DPP3: variants seen among roughly 807,000 people sequenced by gnomAD.
The protein encoded by DPP3 is DPP III.
In DPP3, 64 loss-of-function variants were observed where a neutral mutation model predicts 89.8. The observed-to-expected ratio is 0.71, with a 90% CI of 0.58 to 0.88. The LOEUF (loss-of-function observed/expected upper bound fraction) is 0.88. DPP3 is among the 40% of genes least tolerant of loss of function. The pLI is 0.00. For missense variants in DPP3, 835 were observed against 972.5 expected, an observed-to-expected ratio of 0.86 and a Z score of 1.88; for synonymous variants, 377 against 404.3, an observed-to-expected ratio of 0.93 and a Z score of 0.81.
intron 1 of DPP3, 73 bp downstream of exon 1, chr11:66,480,538 C>A: frequency 7.0e-7 from 1 of 1,427,754 alleles, no homozygotes; most frequent in Non-Finnish European, 9.1e-7. Context: ...CCATACTGAG[C>A]GCAAAATCGT....
chr11:66,493,726 C>A, intron 12 of DPP3, 93 bp downstream of exon 12: 3 of 1,330,962 alleles, frequency 2.3e-6, no homozygotes, highest in South Asian at 1.3e-5. Flanking sequence ...CCAGCCTCTG[C>A]CCTCAGGAGC....
intron 6 of DPP3, among the ~76,000 whole-genome samples, chr11:66,488,709 G>A (rs1020872300): frequency 9.9e-5 from 15 of 152,118 alleles, no homozygotes; most frequent in Admixed American, 5.2e-4. Flanking sequence ...GAAGTGTCCA[G>A]GCCTTTATGA....
chr11:66,485,096 T>C, intron 2 of DPP3, 77 bp from the exon 3 acceptor site: 1 of 1,379,186 alleles, frequency 7.3e-7, no homozygotes, highest in Non-Finnish European at 1.0e-6. Flanking sequence ...GCTGGGGCAT[T>C]CGCATCTCAG....
chr11:66,496,814 C>G (rs970152731), intron 15 of DPP3, among the ~76,000 whole-genome samples: 2 of 152,142 alleles, frequency 1.3e-5, no homozygotes, highest in African/African-American at 4.8e-5. Flanking sequence ...CTGGCTCTTC[C>G]GTTATTAGCT....
chr11:66,492,666 G>A (rs1855422006), intron 9 of DPP3, 50 bp from the exon 10 acceptor site: 1 of 1,528,070 alleles, frequency 6.5e-7, no homozygotes, highest in African/African-American at 1.4e-5. Context: ...GGGTGAAGTG[G>A]GAGCCCTCCT....
At chr11:66,488,696 A>T (rs1855300339) in intron 6 of DPP3, among the ~76,000 whole-genome samples, 1 of 151,928 alleles carries the variant, frequency 6.6e-6, no homozygotes, top group Non-Finnish European at 1.5e-5. Flanking sequence ...AATAGTATGG[A>T]CAGAAGTGTC....
chr11:66,498,563 C>T (rs1317300290), intron 16 of DPP3, among the ~76,000 whole-genome samples: 1 of 152,122 alleles, frequency 6.6e-6, no homozygotes. Context: ...CATTTTTGGA[C>T]AAACAAAAAC....
Position 66,482,233 on chromosome 11 carries a change from C to T in DPP3, c.33C>T (p.Asp11=), listed in dbSNP as rs1443956459. 1 of 1,614,202 alleles carries T rather than the reference C, an allele frequency of 6.2e-7. No individual in the cohort carries two copies. Among genetic ancestry groups the T allele is most frequent in the Non-Finnish European group, 8.5e-7 (1 of 1,180,034 alleles). Residue 11 remains aspartate (D), a synonymous_variant, in exon 2 of 18, where the codon GAC becomes GAT. Transcript: ENST00000531863. ...ACACCCAGTACATCCTGCCCAATGA[C>T]ATCGGCGTGTCTAGCCTGGACTGCC... is the stretch of plus-strand genomic sequence containing the variant. MADTQYILPN[D]IGVSSLDCRE... is the part of the protein sequence containing the mutation.
At chr11:66,500,887 C>T (rs1020612637) in intron 16 of DPP3, among the ~76,000 whole-genome samples, 2 of 152,000 alleles carry the variant, frequency 1.3e-5, no homozygotes, top group African/African-American at 4.8e-5. Flanking sequence ...GAAACCCCAT[C>T]TCTACTAAAA....
chr11:66,498,099 ATT>A (rs891588880), intron 16 of DPP3, among the ~76,000 whole-genome samples: 2 of 119,492 alleles, frequency 1.7e-5, no homozygotes. Flanking sequence ...CGCCCGGCTA[ATT>A]TTTTTTTTTT....
chr11:66,490,352 A>G (rs1362576407), intron 6 of DPP3, among the ~76,000 whole-genome samples: 5 of 152,198 alleles, frequency 3.3e-5, no homozygotes, highest in South Asian at 4.1e-4. Flanking sequence ...AACTTATTCT[A>G]TTACAGTTGT....
chr11:66,486,689 G>T lies in DPP3; in HGVS notation c.498+12G>T. 1 of 1,497,726 alleles carries T rather than the reference G, an allele frequency of 6.7e-7. No individual in the cohort carries two copies. Among genetic ancestry groups the T allele is most frequent in the South Asian group, 1.4e-5 (1 of 73,640 alleles). The allele number at this position is 1,497,726 out of a possible 1,614,324, so 92.8% of individuals were successfully genotyped here. A position where few individuals can be genotyped will look rare whatever the true frequency, so the allele number is the denominator to read the frequency against. On this transcript the variant is annotated intron_variant, in intron 4 of 17. Transcript: ENST00000531863. ...GACTGGGGAAGGAGGTGAGGCCCCT[G>T]ACTCCCCCGAGGGGACAGGGAGTGG...
intron 12 of DPP3, among the ~76,000 whole-genome samples, chr11:66,494,100 C>A (rs1355209366): frequency 1.3e-5 from 2 of 152,162 alleles, no homozygotes; most frequent in South Asian, 2.1e-4. Flanking sequence ...TTCCGTGGAA[C>A]CTGGGCTTTT....
At chr11:66,485,308 G>A (rs1855196684) in intron 3 of DPP3, 46 bp downstream of exon 3, 1 of 1,573,270 alleles carries the variant, frequency 6.4e-7, no homozygotes, top group Non-Finnish European at 8.7e-7. Flanking sequence ...GGGGCTGGTG[G>A]GGTAGAGATG....
chr11:66,507,382 A>G (rs11822099), intron 17 of DPP3, among the ~76,000 whole-genome samples: 35,211 of 151,640 alleles, frequency 0.23, 4,346 homozygotes, highest in East Asian at 0.27. Flanking sequence ...CAGGAGAATG[A>G]CCTGAACCCG....
intron 15 of DPP3, among the ~76,000 whole-genome samples, 160 bp downstream of exon 15, chr11:66,495,910 CCA>C (rs1174293714): frequency 6.6e-6 from 1 of 152,158 alleles, no homozygotes; most frequent in Non-Finnish European, 1.5e-5. Flanking sequence ...CTTGTGAGCC[CCA>C]GAGTTCCTCT....
chr11:66,503,660 G>A (rs1158031351), intron 16 of DPP3, among the ~76,000 whole-genome samples: 1 of 152,110 alleles, frequency 6.6e-6, no homozygotes, highest in African/African-American at 2.4e-5. Flanking sequence ...GCCGGGGCGG[G>A]GCAGATCTCG....
rs903584267 is a variant in DPP3 at position 66,492,705 on chromosome 11, C to G, written c.989-11C>G. On this transcript the variant is annotated splice_polypyrimidine_tract_variant and intron_variant, in intron 9 of 17. Coordinates refer to ENST00000531863, the MANE Select transcript of DPP3 (RefSeq NM_130443.4). ...ACCCTGCCAAGCCACAACCCCCTCC[C>G]TCCTCTGCAGGTTTCGTAGCTGTGG... 3.2e-6 allele frequency: 5 copies of G among 1,562,500 alleles called. No homozygotes were observed. Among genetic ancestry groups the G allele is most frequent in the Non-Finnish European group, 4.3e-6 (5 of 1,156,050 alleles).
chr11:66,491,689 C>A lies in DPP3; in HGVS notation c.930-9C>A. On this transcript the variant is annotated splice_polypyrimidine_tract_variant and intron_variant, in intron 8 of 17. Transcript: ENST00000531863. Reference sequence around the variant, plus strand: ...GCCCCTCCTCCACCTCTGCCCTTCTCTCCCCCAGTTACATCGGGTTCATCG... The same window carrying A: ...GCCCCTCCTCCACCTCTGCCCTTCTATCCCCCAGTTACATCGGGTTCATCG... 6.2e-7 allele frequency: 1 copy of A among 1,612,766 alleles called. No homozygotes were observed. The highest frequency in any genetic ancestry group is 8.5e-7 in the Non-Finnish European group (1 of 1,179,406).
Sources: gnomAD v4.1 joint callset for allele counts (sites outside exome capture counted in the v4.1 genomes callset) on GRCh38, gnomAD v4.1.1 for gene constraint, MANE v1.5 for transcripts, NCBI Gene and HGNC (gene_info 2026-07-23, HGNC 2026-07-21) for gene names.